SUV39H2: variants seen among roughly 807,000 people sequenced by gnomAD.
The protein encoded by SUV39H2 is histone-lysine N-methyltransferase SUV39H2.
In SUV39H2, 10 loss-of-function variants were observed where a neutral mutation model predicts 47.5. The ratio of observed to expected loss-of-function variants is 0.21; its 90% confidence interval spans 0.13 to 0.36. SUV39H2 has a LOEUF of 0.36. Ranked by LOEUF, SUV39H2 falls within the 10% of genes least tolerant of loss-of-function variation. SUV39H2 has a pLI of 1.00. For missense variants in SUV39H2, 266 were observed against 487.4 expected, an observed-to-expected ratio of 0.55 and a Z score of 4.28; for synonymous variants, 159 against 166.8, an observed-to-expected ratio of 0.95 and a Z score of 0.36.
chr10:14,901,771 C>T (rs1443718233), intron 5 of SUV39H2, among the ~76,000 whole-genome samples: 2 of 151,628 alleles, frequency 1.3e-5, no homozygotes, highest in African/African-American at 4.8e-5. Context: ...GTTGGGGCTA[C>T]AGTTGAGCTG....
chr10:14,904,291 T>G lies in SUV39H2; in HGVS notation c.*1779T>G. 7.2e-6 allele frequency: 1 copy of G among 139,708 alleles called. No individual in the cohort carries two copies. Among genetic ancestry groups the G allele is most frequent in the Admixed American group, 7.4e-5 (1 of 13,502 alleles). 8.7% of individuals were successfully genotyped at this position (139,708 alleles called of 1,614,324 possible). A position where few individuals can be genotyped will look rare whatever the true frequency, so the allele number is the denominator to read the frequency against. On this transcript the variant is annotated 3_prime_UTR_variant, in exon 6 of 6. Transcript: ENST00000354919. ...CTGCACTGCAGCCTGAGTGACACAG[T>G]AAGACTGTCTCCAAAAAAAAAAAAT...
rs1399791667 is a variant in SUV39H2, at chr10:14,901,125, C to T, written c.997-8C>T. 1 of 1,613,148 alleles carries T rather than the reference C, an allele frequency of 6.2e-7. No individual in the cohort carries two copies. The highest frequency in any genetic ancestry group is 1.3e-5 in the African/African-American group (1 of 74,854). ...TGTACTTAAATGGGTTCTAATGTTC[C>T]TTTTTAGTGTGACCCAAATCTTCAG... On this transcript the variant is annotated splice_region_variant and splice_polypyrimidine_tract_variant and intron_variant, in intron 4 of 5. Coordinates refer to ENST00000354919, the MANE Select transcript of SUV39H2 (RefSeq NM_001193424.2).
intron 2 of SUV39H2, among the ~76,000 whole-genome samples, chr10:14,895,330 C>A (rs1833534689): frequency 6.6e-6 from 1 of 152,080 alleles, no homozygotes; most frequent in Admixed American, 6.6e-5. Flanking sequence ...GTGCCTGCCA[C>A]CACACCCGGC....
intron 2 of SUV39H2, among the ~76,000 whole-genome samples, chr10:14,887,029 T>A (rs1833232219): frequency 6.6e-6 from 1 of 151,782 alleles, no homozygotes; most frequent in African/African-American, 2.4e-5. Flanking sequence ...CAATGGGGAG[T>A]TAGTTGGCAG....
chr10:14,894,358 T>G lies in SUV39H2; in HGVS notation c.178-2488T>G, dbSNP rs887215473. The stretch of plus-strand genomic sequence containing the variant: ...CCAATTTTCAAAAGAAAGCAAAGTT[T>G]TTTTTTTTTTTTTTTTTTTTTTTTT... On this transcript the variant is annotated intron_variant, in intron 2 of 5. Coordinates refer to ENST00000354919, the MANE Select transcript of SUV39H2 (RefSeq NM_001193424.2). Among the ~76,000 whole-genome samples, 11 of 70,984 alleles carry G rather than the reference T, an allele frequency of 1.5e-4. 1 individual carries two copies. Among genetic ancestry groups the G allele is most frequent in the East Asian group, 1.3e-3 (3 of 2,312 alleles). 46.6% of individuals were successfully genotyped at this position (70,984 alleles called of 152,430 possible). A position where few individuals can be genotyped will look rare whatever the true frequency, so the allele number is the denominator to read the frequency against.
At chr10:14,885,396 T>C (rs1195814451) in intron 2 of SUV39H2, among the ~76,000 whole-genome samples, 1 of 152,254 alleles carries the variant, frequency 6.6e-6, no homozygotes, top group Non-Finnish European at 1.5e-5. Context: ...ACTCTCTAAA[T>C]CTAATGGGTT....
intron 1 of SUV39H2, among the ~76,000 whole-genome samples, chr10:14,879,540 C>T (rs1343340737): frequency 6.6e-6 from 1 of 152,144 alleles, no homozygotes; most frequent in Non-Finnish European, 1.5e-5. Flanking sequence ...TACGGTAACT[C>T]TTTCACCCAC....
intron 3 of SUV39H2, chr10:14,899,188 G>C (rs775971463): frequency 2.8e-6 from 2 of 701,814 alleles, no homozygotes; most frequent in Admixed American, 4.0e-5. Flanking sequence ...GGGCATGGCG[G>C]TATGCACCTG....
chr10:14,897,552 A>G (rs756175138), intron 3 of SUV39H2, 35 bp downstream of exon 3: 1 of 1,472,904 alleles, frequency 6.8e-7, no homozygotes, highest in Non-Finnish European at 9.0e-7. Flanking sequence ...AATGATGGAC[A>G]TGCAAGGTTT....
chr10:14,899,479 T>C lies in SUV39H2; in HGVS notation c.850-60T>C. The C allele has an allele frequency of 3.2e-6, 5 of 1,564,402 alleles. No homozygotes were observed. In the South Asian group the frequency reaches 5.7e-5, roughly 18 times the overall value. On this transcript the variant is annotated intron_variant, in intron 3 of 5. Coordinates refer to ENST00000354919, the MANE Select transcript of SUV39H2 (RefSeq NM_001193424.2). Reference sequence around the variant, plus strand: ...AGGTATTCGCATATTAGTAGATAGGTAGATGAATGCTTCTTTGGTTCAGTA... The same window carrying C: ...AGGTATTCGCATATTAGTAGATAGGCAGATGAATGCTTCTTTGGTTCAGTA...
intron 2 of SUV39H2, among the ~76,000 whole-genome samples, chr10:14,885,110 C>T (rs1210700654): frequency 6.6e-6 from 1 of 152,174 alleles, no homozygotes; most frequent in African/African-American, 2.4e-5. Context: ...TTGGCCTTCT[C>T]ACCTTGTAGT....
chr10:14,891,966 T>A (rs971904921), intron 2 of SUV39H2, among the ~76,000 whole-genome samples: 8 of 152,120 alleles, frequency 5.3e-5, no homozygotes, highest in African/African-American at 1.9e-4. Context: ...CCCAAAACGT[T>A]TTATATGTGG....
intron 2 of SUV39H2, among the ~76,000 whole-genome samples, chr10:14,885,954 AACAGTCTCATCTGAG>A: frequency 6.6e-6 from 1 of 152,292 alleles, no homozygotes; most frequent in African/African-American, 2.4e-5. Context: ...TTCCCTATTT[AACAGTCTCATCTGAG>A]ACATGTTAGC....
At chr10:14,891,665 A>G (rs1833393485) in intron 2 of SUV39H2, among the ~76,000 whole-genome samples, 1 of 152,170 alleles carries the variant, frequency 6.6e-6, no homozygotes. Flanking sequence ...TGAGGAGAAG[A>G]AGGAATTGAG....
chr10:14,897,866 G>C (rs1314879868), intron 3 of SUV39H2: 1 of 161,288 alleles, frequency 6.2e-6, no homozygotes, highest in East Asian at 1.8e-4. Flanking sequence ...TTTGAAACTT[G>C]AAAGTTTTAA....
At chr10:14,881,038 A>G (rs1833026373) in intron 1 of SUV39H2, among the ~76,000 whole-genome samples, 1 of 152,248 alleles carries the variant, frequency 6.6e-6, no homozygotes. Flanking sequence ...AAAAAAAATG[A>G]AAGTTACGTG....
chr10:14,896,929 G>A lies in SUV39H2; in HGVS notation c.261G>A (p.Pro87=), dbSNP rs760782631. ...TWEPLQNLKC[P]LLLQQFSNDK... ...AACCTTTGCAAAATCTGAAGTGCCCGTTACTGCTTCAGCAATTCTCTAATG... is the reference window on the plus strand; with the variant it reads ...AACCTTTGCAAAATCTGAAGTGCCCATTACTGCTTCAGCAATTCTCTAATG... Residue 87 remains proline (P), a synonymous_variant, in exon 3 of 6, where the codon CCG becomes CCA. Transcript: ENST00000354919. 62 of 1,613,746 alleles carry A rather than the reference G, an allele frequency of 3.8e-5. No individual in the cohort carries two copies. The highest frequency in any genetic ancestry group is 2.1e-4 in the South Asian group (19 of 91,052).
Position 14,896,846 on chromosome 10 carries a change from G to A in SUV39H2, c.178G>A (p.Asp60Asn). The change falls in exon 3 of 6, where the codon GAT becomes AAT. Residue 60 changes from aspartate to asparagine, a missense_variant and splice_region_variant. By Grantham distance (23) the Asp-to-Asn change is conservative. This residue lies in a region of SUV39H2 where 32 missense variants were observed against 77.2 expected (regional missense o/e 0.41). Transcript: ENST00000354919. ...ATTTTATTTTCTTTTGTATTTTAAG[G>A]ATATGGAATATTATCTTGTAAAATG... ...EYLCDYKVVK[D>N]MEYYLVKWKG... is the part of the protein sequence containing the mutation. 2 of 1,555,762 alleles carry A rather than the reference G, an allele frequency of 1.3e-6. No homozygotes were observed. Among genetic ancestry groups the A allele is most frequent in the Non-Finnish European group, 1.7e-6 (2 of 1,151,486 alleles).
chr10:14,881,496 G>A lies in SUV39H2; in HGVS notation c.32-4G>A, dbSNP rs532896412. ...TAGTAAAGAATTCTATTTTCTTATTGTAGCTTGGTGTGTGCCTTGCCTAGT... is the reference window on the plus strand; with the variant it reads ...TAGTAAAGAATTCTATTTTCTTATTATAGCTTGGTGTGTGCCTTGCCTAGT... On this transcript the variant is annotated splice_polypyrimidine_tract_variant and splice_region_variant and intron_variant, in intron 1 of 5. Coordinates refer to ENST00000354919, the MANE Select transcript of SUV39H2 (RefSeq NM_001193424.2). 2.7e-6 allele frequency: 4 copies of A among 1,497,966 alleles called. No homozygotes were observed. The African/African-American group carries it at 5.7e-5, about 21-fold the overall frequency. 92.8% of individuals were successfully genotyped at this position (1,497,966 alleles called of 1,614,324 possible). A position where few individuals can be genotyped will look rare whatever the true frequency, so the allele number is the denominator to read the frequency against.
Sources: allele counts gnomAD v4.1 joint callset (sites outside exome capture counted in the v4.1 genomes callset), GRCh38; gene constraint gnomAD v4.1.1; regional missense constraint gnomAD v4.1.1; transcripts MANE v1.5; gene names NCBI Gene and HGNC (gene_info 2026-07-23, HGNC 2026-07-21).